GRIK4: variants seen among roughly 807,000 people sequenced by gnomAD.
GRIK4 encodes glutamate receptor ionotropic, kainate 4.
Under a neutral mutation model 104.9 loss-of-function variants are expected in GRIK4, and 40 were observed. The ratio of observed to expected loss-of-function variants is 0.38; its 90% CI spans 0.30 to 0.50. The LOEUF is 0.50. Among genes scored for constraint, GRIK4 ranks in the 20% least tolerant of loss-of-function variants. The pLI is 0.93. For missense variants in GRIK4, 1,047 were observed against 1,308.1 expected, an observed-to-expected ratio of 0.80 and a Z score of 3.08; for synonymous variants, 485 against 524.9, an observed-to-expected ratio of 0.92 and a Z score of 1.04.
chr11:120,687,465 T>A (rs1565295619), intron 3 of GRIK4, among the ~76,000 whole-genome samples: 1 of 152,256 alleles, frequency 6.6e-6, no homozygotes, highest in Non-Finnish European at 1.5e-5. Context: ...AATACATTTA[T>A]CACATTTAAA....
intron 3 of GRIK4, among the ~76,000 whole-genome samples, chr11:120,771,319 G>A (rs1299747714): frequency 6.6e-6 from 1 of 152,206 alleles, no homozygotes; most frequent in East Asian, 1.9e-4. Context: ...GAGGAGTGGA[G>A]GAGAGGACAT....
chr11:120,566,458 G>A (rs150668065), intron 1 of GRIK4, among the ~76,000 whole-genome samples: 15 of 152,274 alleles, frequency 9.9e-5, no homozygotes, highest in African/African-American at 3.4e-4. Flanking sequence ...GCTAATCTAC[G>A]GACGAAGTTG....
rs1013979228 is a variant in GRIK4, at chr11:120,748,812, G to A, written c.83-53881G>A. On this transcript the variant is annotated intron_variant, in intron 3 of 20. Coordinates refer to ENST00000527524, the MANE Select transcript of GRIK4 (RefSeq NM_014619.5). ...GACAGCGAATTGCCCAGGGCCCTTCGGGAGTTGAAGGAGAGGCTAGGCAAG... is the reference window on the plus strand; with the variant it reads ...GACAGCGAATTGCCCAGGGCCCTTCAGGAGTTGAAGGAGAGGCTAGGCAAG... Among the ~76,000 whole-genome samples, 5 of 152,084 alleles carry A rather than the reference G, an allele frequency of 3.3e-5. No individual in the cohort carries two copies. The South Asian group carries it at 6.2e-4, about 19-fold the overall frequency.
chr11:120,639,016 G>A (rs1239825842), intron 1 of GRIK4, among the ~76,000 whole-genome samples: 1 of 151,630 alleles, frequency 6.6e-6, no homozygotes, highest in East Asian at 2.0e-4. Context: ...GTCCAGCATG[G>A]CGAAACCCCT....
At chr11:120,694,952 C>G (rs2135317984) in intron 3 of GRIK4, among the ~76,000 whole-genome samples, 1 of 152,340 alleles carries the variant, frequency 6.6e-6, no homozygotes, top group East Asian at 1.9e-4. Context: ...TTGGCTTCAT[C>G]ACAGGAACCT....
At chr11:120,785,154 A>T (rs575261329) in intron 3 of GRIK4, among the ~76,000 whole-genome samples, 5 of 151,884 alleles carry the variant, frequency 3.3e-5, no homozygotes, top group African/African-American at 1.2e-4. Flanking sequence ...CAAATGGGCA[A>T]CTCCAGCCCA....
chr11:120,628,461 C>T (rs907336387), intron 1 of GRIK4, among the ~76,000 whole-genome samples: 1 of 152,188 alleles, frequency 6.6e-6, no homozygotes, highest in Non-Finnish European at 1.5e-5. Context: ...CCCTGACCAC[C>T]AGACACCCAT....
At position 120,752,390 on chromosome 11, in the gene GRIK4, C is replaced by T. The variant is rs181315923; in HGVS notation, c.83-50303C>T. ...GAGCCCCCCCATGATCTGATACTGA[C>T]ATCTGGAGGGACAGAGCCACAGCCA... On this transcript the variant is annotated intron_variant, in intron 3 of 20. Coordinates refer to ENST00000527524, the MANE Select transcript of GRIK4 (RefSeq NM_014619.5). 3.0e-4 allele frequency among the ~76,000 whole-genome samples: 46 copies of T among 152,304 alleles called. No homozygotes were observed. In the East Asian group the frequency reaches 3.7e-3, roughly 12 times the overall value.
At chr11:120,777,955 A>G (rs1400625680) in intron 3 of GRIK4, among the ~76,000 whole-genome samples, 4 of 151,912 alleles carry the variant, frequency 2.6e-5, no homozygotes, top group Non-Finnish European at 4.4e-5. Flanking sequence ...AAAAGAAAAA[A>G]AAAAAGGACG....
intron 3 of GRIK4, among the ~76,000 whole-genome samples, chr11:120,683,324 A>T (rs1027459163): frequency 1.3e-5 from 2 of 152,210 alleles, no homozygotes; most frequent in Non-Finnish European, 2.9e-5. Context: ...TGATGAAGGA[A>T]AGCTCAACAA....
chr11:120,534,397 TG>T (rs1282697214), intron 1 of GRIK4, among the ~76,000 whole-genome samples: 3 of 151,864 alleles, frequency 2.0e-5, no homozygotes, highest in Non-Finnish European at 4.4e-5. Context: ...GTGGTGGGGC[TG>T]GGGATTTTGA....
At chr11:120,866,163 T>C (rs773420165) in intron 9 of GRIK4, among the ~76,000 whole-genome samples, 3 of 152,256 alleles carry the variant, frequency 2.0e-5, no homozygotes, top group South Asian at 4.2e-4. Flanking sequence ...GGATGAAGGA[T>C]TGGCTCCATC....
chr11:120,657,950 A>G (rs531650675), intron 2 of GRIK4, among the ~76,000 whole-genome samples: 1 of 152,366 alleles, frequency 6.6e-6, no homozygotes, highest in Non-Finnish European at 1.5e-5. Flanking sequence ...CATCACCAGC[A>G]CTGGGGAGTC....
chr11:120,855,122 G>A (rs1479621303), intron 8 of GRIK4, among the ~76,000 whole-genome samples: 21 of 152,204 alleles, frequency 1.4e-4, no homozygotes, highest in Admixed American at 1.4e-3. Context: ...AAGCATTTGA[G>A]GCTCAAATAA....
chr11:120,626,623 T>G (rs1219159433), intron 1 of GRIK4, among the ~76,000 whole-genome samples: 1 of 152,150 alleles, frequency 6.6e-6, no homozygotes, highest in African/African-American at 2.4e-5. Context: ...GATCCGTGCT[T>G]TCCCCAGGGA....
intron 1 of GRIK4, among the ~76,000 whole-genome samples, chr11:120,593,208 C>T (rs577155717): frequency 2.0e-5 from 3 of 150,646 alleles, no homozygotes; most frequent in South Asian, 2.1e-4. Context: ...AAGCCGCCTG[C>T]AGTTGTACCT....
intron 1 of GRIK4, among the ~76,000 whole-genome samples, chr11:120,535,156 A>G (rs1947959855): frequency 6.6e-6 from 1 of 152,124 alleles, no homozygotes; most frequent in South Asian, 2.1e-4. Context: ...AGAGGTGTGT[A>G]CGGCCCACTC....
At chr11:120,795,730 T>C (rs1168005077) in intron 3 of GRIK4, among the ~76,000 whole-genome samples, 1 of 152,106 alleles carries the variant, frequency 6.6e-6, no homozygotes, top group Non-Finnish European at 1.5e-5. Context: ...ATGGGGAGTT[T>C]GGGAAGATTC....
intron 3 of GRIK4, among the ~76,000 whole-genome samples, chr11:120,796,583 A>G (rs990487748): frequency 3.3e-5 from 5 of 152,028 alleles, no homozygotes; most frequent in African/African-American, 1.2e-4. Flanking sequence ...CCTGAGGGAG[A>G]GAAGAGCCCT....
Sources: gnomAD v4.1 joint callset for allele counts (sites outside exome capture counted in the v4.1 genomes callset) on GRCh38, gnomAD v4.1.1 for gene constraint, MANE v1.5 for transcripts, NCBI Gene and HGNC (gene_info 2026-07-23, HGNC 2026-07-21) for gene names.